Variants in EXOC4 observed in about 807,000 individuals in gnomAD.
EXOC4 encodes the protein SEC8-like 1.
EXOC4 carries 71 observed loss-of-function variants against 107.2 expected under a neutral mutation model. That is an observed-to-expected ratio of 0.66 (90% CI 0.55 to 0.81). The LOEUF is 0.81. Among genes scored for constraint, EXOC4 ranks in the 30% least tolerant of loss-of-function variants. The pLI is 0.00. For missense variants in EXOC4, 1,108 were observed against 1,189.6 expected (o/e 0.93, Z 1.01); for synonymous variants, 456 against 441.2 (o/e 1.03, Z -0.42).
intron 11 of EXOC4, among the ~76,000 whole-genome samples, chr7:133,818,251 G>A (rs528914308): frequency 4.6e-5 from 7 of 152,078 alleles, no homozygotes; most frequent in African/African-American, 1.4e-4. Flanking sequence ...CTATTATTAC[G>A]TTGGAATTGA....
intron 10 of EXOC4, among the ~76,000 whole-genome samples, chr7:133,797,326 G>A (rs1184799824): frequency 4.6e-5 from 7 of 152,260 alleles, no homozygotes; most frequent in South Asian, 2.1e-4. Context: ...GGATTTGAAC[G>A]TGGAAGAGTG....
At chr7:133,842,848 T>C (rs1798049951) in intron 11 of EXOC4, among the ~76,000 whole-genome samples, 1 of 152,232 alleles carries the variant, frequency 6.6e-6, no homozygotes, top group South Asian at 2.1e-4. Flanking sequence ...AGTTTCAATC[T>C]AATGCACATG....
In EXOC4 at chr7:133,823,865, ATATATATT is replaced by A. The variant is rs1393365804; in HGVS notation, c.1734+6322_1734+6329del. 3.4e-4 allele frequency among the ~76,000 whole-genome samples: 5 copies of A among 14,890 alleles called. 1 individual carries two copies. The East Asian group carries it at 5.9e-3, about 17-fold the overall frequency. The allele number at this position is 14,890 out of a possible 152,430, so 9.8% of individuals were successfully genotyped here. On this transcript the variant is annotated intron_variant, in intron 11 of 17. Coordinates refer to ENST00000253861, the MANE Select transcript of EXOC4 (RefSeq NM_021807.4). Reference sequence around the variant, plus strand: ...ATATTATATATATATATATATATATATATATATTATATATATATATATATATATTTTAT... The same window carrying A: ...ATATTATATATATATATATATATATAATATATATATATATATATATTTTAT...
At chr7:133,863,083 T>G (rs1453823763) in intron 11 of EXOC4, among the ~76,000 whole-genome samples, 1 of 152,182 alleles carries the variant, frequency 6.6e-6, no homozygotes, top group East Asian at 1.9e-4. Context: ...AATATATTCT[T>G]TATCAATGAA....
At chr7:134,010,515 G>A (rs1161480625) in intron 17 of EXOC4, among the ~76,000 whole-genome samples, 1 of 151,972 alleles carries the variant, frequency 6.6e-6, no homozygotes, top group African/African-American at 2.4e-5. Flanking sequence ...TTTTTGGTAG[G>A]GACAGGTTTT....
rs542602164 is a variant in EXOC4 at position 133,790,977 on chromosome 7, C to T, written c.1515-26348C>T. Among the ~76,000 whole-genome samples the T allele has an allele frequency of 6.6e-5, 10 of 152,318 alleles. No homozygotes were observed. The East Asian group carries it at 1.9e-3, about 29-fold the overall frequency. ...ATTGAATTGTCATTACAAATATCTACTTTAGTTGTAGACGTAATTAGGTTT... is the reference window on the plus strand; with the variant it reads ...ATTGAATTGTCATTACAAATATCTATTTTAGTTGTAGACGTAATTAGGTTT... On this transcript the variant is annotated intron_variant, in intron 10 of 17. Transcript: ENST00000253861.
At chr7:133,669,145 C>T (rs1199978358) in intron 10 of EXOC4, among the ~76,000 whole-genome samples, 2 of 151,860 alleles carry the variant, frequency 1.3e-5, no homozygotes, top group Non-Finnish European at 2.9e-5. Flanking sequence ...ACTACCAGCA[C>T]ACCAATACAG....
At chr7:133,661,529 T>C (rs2151046666) in intron 10 of EXOC4, among the ~76,000 whole-genome samples, 1 of 152,142 alleles carries the variant, frequency 6.6e-6, no homozygotes, top group East Asian at 1.9e-4. Flanking sequence ...CTGCTTATCG[T>C]TAGGGGCTGT....
rs150434593 is a variant in EXOC4 at position 133,641,182 on chromosome 7, T to A, written c.1514+11041T>A. 1.3e-3 allele frequency among the ~76,000 whole-genome samples: 193 copies of A among 152,240 alleles called. 1 individual carries two copies. Among genetic ancestry groups the A allele is most frequent in the African/African-American group, 4.5e-3 (185 of 41,536 alleles). ...CCCAATTGAGAGACCCTAACATAGTTGTAGTGAGTTGGGAATTTACTTTTA... is the reference window on the plus strand; with the variant it reads ...CCCAATTGAGAGACCCTAACATAGTAGTAGTGAGTTGGGAATTTACTTTTA... On this transcript the variant is annotated intron_variant, in intron 10 of 17. Transcript: ENST00000253861.
intron 1 of EXOC4, among the ~76,000 whole-genome samples, chr7:133,261,585 A>T (rs1343891656): frequency 6.6e-6 from 1 of 152,030 alleles, no homozygotes; most frequent in Admixed American, 6.6e-5. Flanking sequence ...TTTTATCTTG[A>T]TGGTGGTTGG....
At chr7:134,059,382 G>A (rs767083459) in intron 17 of EXOC4, among the ~76,000 whole-genome samples, 13 of 152,190 alleles carry the variant, frequency 8.5e-5, no homozygotes, top group East Asian at 1.9e-4. Context: ...AGCTCTTAAA[G>A]AGAAGTCAGA....
chr7:133,779,286 CCT>C (rs1448193567), intron 10 of EXOC4, among the ~76,000 whole-genome samples: 1 of 151,896 alleles, frequency 6.6e-6, no homozygotes, highest in East Asian at 1.9e-4. Context: ...ATTTAATGCC[CCT>C]GTCTATAAAA....
At chr7:133,966,513 T>C (rs1801069281) in intron 14 of EXOC4, among the ~76,000 whole-genome samples, 1 of 152,202 alleles carries the variant, frequency 6.6e-6, no homozygotes, top group Admixed American at 6.5e-5. Flanking sequence ...AGTACCTAGT[T>C]TATTGAGAGT....
chr7:133,633,067 T>A (rs1210517489), intron 10 of EXOC4, among the ~76,000 whole-genome samples: 1 of 152,200 alleles, frequency 6.6e-6, no homozygotes, highest in Non-Finnish European at 1.5e-5. Flanking sequence ...GATTATGCCA[T>A]GTCCTGGGGA....
In EXOC4 at chr7:133,859,524, CTGG is replaced by C. The variant is rs1301731053; in HGVS notation, c.1735-36072_1735-36070del. Among the ~76,000 whole-genome samples, 3 of 152,126 alleles carry C rather than the reference CTGG, an allele frequency of 2.0e-5. No homozygotes were observed. In the East Asian group the frequency reaches 5.8e-4, roughly 29 times the overall value. ...ATTTGCTTTAATTTCCTACTTGCAG[CTGG>C]TGTTAGGAGACCTAAATGGGTTTAT... On this transcript the variant is annotated intron_variant, in intron 11 of 17. Transcript: ENST00000253861.
chr7:133,764,366 A>G (rs369358195), intron 10 of EXOC4, among the ~76,000 whole-genome samples: 73 of 152,152 alleles, frequency 4.8e-4, no homozygotes, highest in Middle Eastern at 3.4e-3. Context: ...TCGTCAAAAT[A>G]TGAAGTCCTC....
intron 10 of EXOC4, among the ~76,000 whole-genome samples, chr7:133,757,244 C>T (rs576250242): frequency 3.3e-5 from 5 of 152,092 alleles, no homozygotes; most frequent in Non-Finnish European, 5.9e-5. Flanking sequence ...GAATGTGAGC[C>T]ATTGAACACA....
At chr7:133,436,486 A>C (rs1298771297) in intron 7 of EXOC4, among the ~76,000 whole-genome samples, 2 of 151,816 alleles carry the variant, frequency 1.3e-5, no homozygotes, top group African/African-American at 4.8e-5. Context: ...TCCTGAGTGA[A>C]GGCAGTGTGG....
intron 10 of EXOC4, among the ~76,000 whole-genome samples, chr7:133,772,564 A>G (rs1182536221): frequency 6.6e-6 from 1 of 152,028 alleles, no homozygotes; most frequent in East Asian, 1.9e-4. Flanking sequence ...TAATTCCTGC[A>G]GTAGTACTTA....
Sources: allele counts gnomAD v4.1 joint callset (sites outside exome capture counted in the v4.1 genomes callset), GRCh38; gene constraint gnomAD v4.1.1; transcripts MANE v1.5; gene names NCBI Gene and HGNC (gene_info 2026-07-23, HGNC 2026-07-21).